The following WDR27 variants were observed in gnomAD, a reference collection of about 807,000 sequenced individuals.
WDR27 encodes the protein WD repeat-containing protein 27.
In WDR27, 100 loss-of-function variants were observed where a neutral mutation model predicts 114.4. The observed-to-expected ratio is 0.87, with a 90% CI of 0.74 to 1.03. WDR27 has a LOEUF of 1.03. Among genes scored for constraint, WDR27 ranks in the 50% least tolerant of loss-of-function variants. The pLI is 0.00. For synonymous variants in WDR27, 449 were observed against 423.1 expected (o/e 1.06, Z -0.75); for missense variants, 1,129 against 1,092.9 (o/e 1.03, Z -0.47).
the WDR27 span, among the ~76,000 whole-genome samples, chr6:169,445,141 T>C: frequency 6.6e-6 from 1 of 152,202 alleles, no homozygotes; most frequent in East Asian, 1.9e-4. Context: ...AAACTCACTG[T>C]AGGAAAAGCA....
intron 25 of WDR27, among the ~76,000 whole-genome samples, chr6:169,460,506 C>T (rs1784780885): frequency 6.6e-6 from 1 of 151,926 alleles, no homozygotes; most frequent in Non-Finnish European, 1.5e-5. Flanking sequence ...GAAGAGAAGG[C>T]AGTAATGCAG....
At chr6:169,645,023 TAAAAAAAAAAAATAAAAAA>T (rs1820216360) in intron 16 of WDR27, among the ~76,000 whole-genome samples, 1 of 46,982 alleles carries the variant, frequency 2.1e-5, no homozygotes, top group Non-Finnish European at 3.9e-5. Context: ...AAAAAAAAAA[TAAAAAAAAAAAATAAAAAA>T]AAAAAAAAAA....
chr6:169,432,458 G>A, the WDR27 span, among the ~76,000 whole-genome samples: 1 of 152,152 alleles, frequency 6.6e-6, no homozygotes, highest in Non-Finnish European at 1.5e-5. Context: ...TTGTAGGTGG[G>A]ACCTAGTGGG....
chr6:169,614,957 C>G (rs1027098468), intron 21 of WDR27, among the ~76,000 whole-genome samples: 1 of 151,872 alleles, frequency 6.6e-6, no homozygotes, highest in African/African-American at 2.4e-5. Context: ...AAAAACTGAA[C>G]AGAACAGAAA....
chr6:169,631,952 C>T (rs1161528300), intron 21 of WDR27, among the ~76,000 whole-genome samples: 2 of 151,964 alleles, frequency 1.3e-5, no homozygotes, highest in Non-Finnish European at 2.9e-5. Flanking sequence ...TTTGGGAGGC[C>T]GAGGCAGGCT....
rs745309570 is a variant in WDR27, at chr6:169,582,877, C to T, written c.2482G>A (p.Asp828Asn). 5.0e-6 allele frequency: 8 copies of T among 1,613,806 alleles called. No homozygotes were observed. The highest frequency in any genetic ancestry group is 1.7e-5 in the Admixed American group (1 of 60,008). Residue 828 changes from aspartate (D) to asparagine (N), a missense_variant, in exon 24 of 26, where the codon GAC (aspartate) becomes AAC (asparagine). Coordinates refer to ENST00000448612, the MANE Select transcript of WDR27 (RefSeq NM_182552.5). ...TFSHRLAGHTDTVTGVAFNPS... is the reference protein window; with the variant it reads ...TFSHRLAGHTNTVTGVAFNPS... ...TTGAAGGCCACTCCAGTGACAGTGT[C>T]TGTGTGCCCAGCCAGCCGGTGAGAA... is the stretch of plus-strand genomic sequence containing the variant.
chr6:169,675,848 TACTC>T (rs1314465382), intron 2 of WDR27, among the ~76,000 whole-genome samples: 2 of 152,190 alleles, frequency 1.3e-5, no homozygotes, highest in Admixed American at 6.5e-5. Context: ...ACTTGGCTCT[TACTC>T]AATTATCTCC....
At chr6:169,583,090 A>C (rs1314615068) in intron 23 of WDR27, among the ~76,000 whole-genome samples, 156 bp from the exon 24 acceptor site, 2 of 152,134 alleles carry the variant, frequency 1.3e-5, no homozygotes, top group African/African-American at 4.8e-5. Context: ...CAAGCTGGGG[A>C]ACTAACTTTA....
At chr6:169,565,240 C>T (rs1295033936) in intron 25 of WDR27, among the ~76,000 whole-genome samples, 1 of 152,204 alleles carries the variant, frequency 6.6e-6, no homozygotes, top group Admixed American at 6.5e-5. Context: ...AGACTGAAGG[C>T]CAGTTTCCAA....
the WDR27 span, among the ~76,000 whole-genome samples, chr6:169,438,552 C>G: frequency 3.9e-5 from 6 of 152,264 alleles, no homozygotes; most frequent in South Asian, 1.0e-3. Flanking sequence ...TTTACTTTTT[C>G]TAAAAGCCAT....
At chr6:169,660,578 C>A in intron 10 of WDR27, 85 bp downstream of exon 10, 1 of 1,118,414 alleles carries the variant, frequency 8.9e-7, no homozygotes, top group Non-Finnish European at 1.4e-6. Context: ...CACGGCAAGG[C>A]CTTCTCCACA....
chr6:169,657,580 A>G (rs561330977), intron 13 of WDR27, among the ~76,000 whole-genome samples: 21 of 152,366 alleles, frequency 1.4e-4, no homozygotes, highest in African/African-American at 3.8e-4. Context: ...TAGGTTTCAC[A>G]AGACCAATTA....
the WDR27 span, among the ~76,000 whole-genome samples, chr6:169,430,161 A>G: frequency 6.6e-6 from 1 of 152,102 alleles, no homozygotes; most frequent in Non-Finnish European, 1.5e-5. Context: ...CACGGCCCAA[A>G]CTCCATCATG....
intron 22 of WDR27, among the ~76,000 whole-genome samples, chr6:169,604,037 G>A (rs1304227852): frequency 6.6e-6 from 1 of 152,128 alleles, no homozygotes; most frequent in Non-Finnish European, 1.5e-5. Flanking sequence ...ACCTAATGTT[G>A]CACCTCAAGG....
intron 25 of WDR27, among the ~76,000 whole-genome samples, chr6:169,463,933 CTTAATAT>C (rs1342107738): frequency 6.6e-6 from 1 of 152,182 alleles, no homozygotes; most frequent in Non-Finnish European, 1.5e-5. Context: ...AATTGGAATA[CTTAATAT>C]CACTAAAAAG....
At chr6:169,676,050 C>T (rs537581134) in intron 2 of WDR27, among the ~76,000 whole-genome samples, 10 of 152,090 alleles carry the variant, frequency 6.6e-5, no homozygotes, top group South Asian at 2.1e-4. Flanking sequence ...TCATGATATA[C>T]GGGGTCAAAT....
At chr6:169,430,469 T>C in the WDR27 span, among the ~76,000 whole-genome samples, 1 of 152,208 alleles carries the variant, frequency 6.6e-6, no homozygotes, top group Non-Finnish European at 1.5e-5. Flanking sequence ...TCTGCACAAG[T>C]GGCTTCTGTG....
Position 169,632,983 on chromosome 6 carries a change from G to A in WDR27, c.2187C>T (p.Ala729=). ...AGCSAAVIAE[A]HSRPVHQICQ... is the part of the protein sequence containing the mutation. Reference sequence around the variant, plus strand: ...AGATTTGATGGACAGGCCGTGAGTGGGCTTCCGCTATCACCGCTGCACTGC... The same window carrying A: ...AGATTTGATGGACAGGCCGTGAGTGAGCTTCCGCTATCACCGCTGCACTGC... Residue 729 remains alanine, a synonymous_variant, in exon 21 of 26, where the codon GCC becomes GCT. Transcript: ENST00000448612. The A allele has an allele frequency of 3.8e-6, 6 of 1,595,566 alleles. No homozygotes were observed. Among genetic ancestry groups the A allele is most frequent in the Non-Finnish European group, 4.3e-6 (5 of 1,165,316 alleles).
At chr6:169,593,785 G>T (rs925629019) in intron 23 of WDR27, among the ~76,000 whole-genome samples, 2 of 152,076 alleles carry the variant, frequency 1.3e-5, no homozygotes, top group Non-Finnish European at 2.9e-5. Context: ...GGAGGCGGAG[G>T]TTACAGTGAG....
Sources: gnomAD v4.1 joint callset for allele counts (sites outside exome capture counted in the v4.1 genomes callset) on GRCh38, gnomAD v4.1.1 for gene constraint, MANE v1.5 for transcripts, NCBI Gene and HGNC (gene_info 2026-07-23, HGNC 2026-07-21) for gene names.